DZIP3: variants seen among roughly 807,000 people sequenced by gnomAD.
DZIP3 encodes DAZ interacting zinc finger protein 3, also known as E3 ubiquitin-protein ligase DZIP3.
In DZIP3, 118 loss-of-function variants were observed where a neutral mutation model predicts 162.0. That is an observed-to-expected ratio of 0.73 (90% CI 0.63 to 0.85). The LOEUF (loss-of-function observed/expected upper bound fraction) is 0.85. Among genes scored for constraint, DZIP3 ranks in the 40% least tolerant of loss-of-function variants. The pLI, the probability that DZIP3 is intolerant of heterozygous loss-of-function variation, is 0.00. For synonymous variants in DZIP3, 438 were observed against 458.6 expected (o/e 0.96, Z 0.57); for missense variants, 1,331 against 1,407.0 (o/e 0.95, Z 0.86).
chr3:108,642,583 T>C (rs958668528), intron 13 of DZIP3, 69 bp downstream of exon 13: 49 of 1,377,602 alleles, frequency 3.6e-5, no homozygotes, highest in Non-Finnish European at 4.8e-6. Flanking sequence ...CTGTCAACTT[T>C]CATGCCATTA....
intron 18 of DZIP3, among the ~76,000 whole-genome samples, chr3:108,653,507 G>GTATA (rs57047978): frequency 0.025 from 2,614 of 104,070 alleles, 62 homozygotes; most frequent in Middle Eastern, 0.044. Context: ...GTGTGTGTGT[G>GTATA]TATATATATA....
At chr3:108,589,913 C>T (rs1265762371) in intron 1 of DZIP3, 74 bp downstream of exon 1, 1 of 152,506 alleles carries the variant, frequency 6.6e-6, no homozygotes, top group East Asian at 1.9e-4. Flanking sequence ...GTTTTTAAAT[C>T]TCTCCTACAC....
chr3:108,673,000 A>G (rs558006094), intron 23 of DZIP3, among the ~76,000 whole-genome samples: 1 of 152,038 alleles, frequency 6.6e-6, no homozygotes, highest in East Asian at 1.9e-4. Flanking sequence ...CTGCCACAAT[A>G]TCTTCTTTGC....
intron 18 of DZIP3, among the ~76,000 whole-genome samples, chr3:108,652,323 G>T (rs1262788376): frequency 6.6e-6 from 1 of 151,688 alleles, no homozygotes; most frequent in Non-Finnish European, 1.5e-5. Context: ...TTGACATTTT[G>T]TTCTTTATTG....
chr3:108,593,265 C>T (rs557437796), intron 1 of DZIP3, among the ~76,000 whole-genome samples: 32 of 152,290 alleles, frequency 2.1e-4, no homozygotes, highest in Admixed American at 1.4e-3. Context: ...ATCTTTATAA[C>T]AACCCCATGC....
At chr3:108,685,200 T>C (rs1445287085) in intron 27 of DZIP3, among the ~76,000 whole-genome samples, 2 of 152,164 alleles carry the variant, frequency 1.3e-5, no homozygotes, top group African/African-American at 4.8e-5. Context: ...TTTACTACCA[T>C]GATATTACAG....
chr3:108,678,451 T>C lies in DZIP3; in HGVS notation c.2883+853T>C, dbSNP rs115455089. 1.5e-3 allele frequency among the ~76,000 whole-genome samples: 229 copies of C among 152,120 alleles called. 1 individual carries two copies. The highest frequency in any genetic ancestry group is 5.3e-3 in the African/African-American group (221 of 41,528). Reference sequence around the variant, plus strand: ...GCACGAAATGACTGAAACATCTCAATGTAATACCCTGCATGGCTGGACCTC... The same window carrying C: ...GCACGAAATGACTGAAACATCTCAACGTAATACCCTGCATGGCTGGACCTC... On this transcript the variant is annotated intron_variant, in intron 26 of 32. Transcript: ENST00000361582.
In DZIP3 at chr3:108,659,342, G is replaced by A. The variant is rs144915980; in HGVS notation, c.2200-2535G>A. ...GGGATGCAAGGCTGGTTCAACATAC[G>A]CAAATCAATAAATCCAGCATATAAA... On this transcript the variant is annotated intron_variant, in intron 19 of 32. Coordinates refer to ENST00000361582, the MANE Select transcript of DZIP3 (RefSeq NM_014648.4). Among the ~76,000 whole-genome samples the A allele has an allele frequency of 2.2e-3, 331 of 152,072 alleles. 2 individuals are homozygous for A. The highest frequency in any genetic ancestry group is 7.6e-3 in the African/African-American group (317 of 41,516).
intron 14 of DZIP3, among the ~76,000 whole-genome samples, chr3:108,646,012 C>T (rs1345100937): frequency 6.6e-6 from 1 of 152,178 alleles, no homozygotes; most frequent in East Asian, 1.9e-4. Flanking sequence ...GCTTATTGGT[C>T]AAGTCCCTTT....
At chr3:108,669,593 T>C in intron 21 of DZIP3, 88 bp from the exon 22 acceptor site, 1 of 1,181,306 alleles carries the variant, frequency 8.5e-7, no homozygotes, top group Non-Finnish European at 1.2e-6. Context: ...ATACTTTATC[T>C]CCTCCACAGC....
intron 16 of DZIP3, 184 bp downstream of exon 16, chr3:108,648,296 C>A: frequency 2.0e-6 from 1 of 493,736 alleles, no homozygotes; most frequent in Non-Finnish European, 3.3e-6. Flanking sequence ...ATCTTTCCTG[C>A]CATAACCATT....
At position 108,616,635 on chromosome 3, in the gene DZIP3, A is replaced by C; in HGVS notation, c.353A>C (p.Asn118Thr). The C allele has an allele frequency of 6.3e-7, 1 of 1,595,660 alleles. No homozygotes were observed. The highest frequency in any genetic ancestry group is 8.5e-7 in the Non-Finnish European group (1 of 1,172,050). The change falls in exon 5 of 33, where the codon AAC becomes ACC. Residue 118 changes from asparagine (N) to threonine (T), a missense_variant. Asn to Thr is a moderately conservative substitution (Grantham distance 65, BLOSUM62 0). Coordinates refer to ENST00000361582, the MANE Select transcript of DZIP3 (RefSeq NM_014648.4). ...ACACAGCTAGAAGCAGCACTTAGGAACATTCAAGCTGGCAATTATACCGTA... is the reference window on the plus strand; with the variant it reads ...ACACAGCTAGAAGCAGCACTTAGGACCATTCAAGCTGGCAATTATACCGTA... ...LITQLEAALR[N>T]IQAGNYTAHQ...
chr3:108,660,277 G>T (rs1201848894), intron 19 of DZIP3, among the ~76,000 whole-genome samples: 1 of 152,166 alleles, frequency 6.6e-6, no homozygotes, highest in African/African-American at 2.4e-5. Context: ...CATGGTACTG[G>T]TACCAAAACA....
intron 4 of DZIP3, among the ~76,000 whole-genome samples, chr3:108,615,192 T>C (rs1940937469): frequency 6.6e-6 from 1 of 152,162 alleles, no homozygotes; most frequent in African/African-American, 2.4e-5. Flanking sequence ...CTTTCAGAGG[T>C]TTTTATTTTC....
chr3:108,637,589 A>T (rs779360701), intron 12 of DZIP3, 41 bp downstream of exon 12: 2 of 1,551,414 alleles, frequency 1.3e-6, no homozygotes, highest in Non-Finnish European at 1.8e-6. Flanking sequence ...TTTTTGGAAT[A>T]TGCATATATT....
intron 13 of DZIP3, among the ~76,000 whole-genome samples, chr3:108,643,418 A>G (rs988310350): frequency 6.6e-6 from 1 of 152,042 alleles, no homozygotes; most frequent in African/African-American, 2.4e-5. Flanking sequence ...CTCAAGCATT[A>G]TACATATATT....
At chr3:108,625,689 G>A (rs561272467) in intron 6 of DZIP3, among the ~76,000 whole-genome samples, 156 bp from the exon 7 acceptor site, 2 of 152,126 alleles carry the variant, frequency 1.3e-5, no homozygotes, top group Non-Finnish European at 2.9e-5. Context: ...GTAATCACAT[G>A]CAGAGATGCC....
At chr3:108,629,209 G>A in intron 8 of DZIP3, 33 bp downstream of exon 8, 19 of 1,357,686 alleles carry the variant, frequency 1.4e-5, no homozygotes, top group Non-Finnish European at 1.9e-5. Context: ...CATTTTATTT[G>A]TAACTAATCA....
chr3:108,690,956 GTTT>G, intron 32 of DZIP3, 53 bp downstream of exon 32: 1 of 1,471,098 alleles, frequency 6.8e-7, no homozygotes, highest in African/African-American at 1.4e-5. Flanking sequence ...TGAGCTGCTT[GTTT>G]GAGTGGTGTA....
Sources: allele counts gnomAD v4.1 joint callset (sites outside exome capture counted in the v4.1 genomes callset), GRCh38; gene constraint gnomAD v4.1.1; transcripts MANE v1.5; gene names NCBI Gene and HGNC (gene_info 2026-07-23, HGNC 2026-07-21).